Variants in COL20A1 observed in about 807,000 individuals in gnomAD.
COL20A1 encodes the protein collagen alpha-1(XX) chain.
A neutral mutation model predicts 152.9 loss-of-function variants in COL20A1; 164 were observed. The ratio of observed to expected loss-of-function variants is 1.07; its 90% CI spans 0.94 to 1.22. The LOEUF is 1.22. Among genes scored for constraint, COL20A1 ranks in the 50% most tolerant of loss-of-function variants. The pLI is 0.00. For missense variants in COL20A1, 1,873 were observed against 1,744.8 expected (o/e 1.07, Z -1.31); for synonymous variants, 864 against 756.0 (o/e 1.14, Z -2.34).
rs371146289 is a variant in COL20A1 at position 63,308,699 on chromosome 20, C to A, written c.933C>A (p.Phe311Leu). 5.6e-5 allele frequency: 89 copies of A among 1,601,714 alleles called. No homozygotes were observed. Among genetic ancestry groups the A allele is most frequent in the Non-Finnish European group, 6.7e-5 (79 of 1,174,360 alleles). Residue 311 changes from phenylalanine (F) to leucine (L), a missense_variant, in exon 8 of 36, where the codon TTC (phenylalanine) becomes TTA (leucine). Transcript: ENST00000358894. ...RVLKDLGVNV[F>L]AVGVKNADEA... ...TCAAGGACCTGGGCGTGAACGTCTT[C>A]GCTGTGGGTGAGCACCATGCGGCTC...
chr20:63,312,270 G>A lies in COL20A1; in HGVS notation c.1804-150G>A, dbSNP rs571220420. 9.2e-5 allele frequency: 103 copies of A among 1,114,014 alleles called. No homozygotes were observed. The Middle Eastern group carries it at 1.2e-3, about 13-fold the overall frequency. 69.0% of individuals were successfully genotyped at this position (1,114,014 alleles called of 1,614,324 possible). A position where few individuals can be genotyped will look rare whatever the true frequency, so the allele number is the denominator to read the frequency against. On this transcript the variant is annotated intron_variant, in intron 14 of 35. Coordinates refer to ENST00000358894, the MANE Select transcript of COL20A1 (RefSeq NM_020882.4). ...ACCCCAGCCGTCCTGCAGTTCTGTTGCCCTCCCATCCCTCAGGACAAGCCC... is the reference window on the plus strand; with the variant it reads ...ACCCCAGCCGTCCTGCAGTTCTGTTACCCTCCCATCCCTCAGGACAAGCCC...
In COL20A1 at chr20:63,322,938, G is replaced by A. The variant is rs530955043; in HGVS notation, c.3294+827G>A. On this transcript the variant is annotated intron_variant, in intron 27 of 35. Coordinates refer to ENST00000358894, the MANE Select transcript of COL20A1 (RefSeq NM_020882.4). The stretch of plus-strand genomic sequence containing the variant: ...GCTGGAGCCTCAGAGCACATCTCAG[G>A]CACAGAGTCCCTAGGACAGTCGCTG... 8.5e-5 allele frequency among the ~76,000 whole-genome samples: 13 copies of A among 152,334 alleles called. No individual in the cohort carries two copies. In the East Asian group the frequency reaches 2.5e-3, roughly 29 times the overall value.
intron 3 of COL20A1, among the ~76,000 whole-genome samples, chr20:63,303,819 CCAGGTGTGCAGGTGCTGGCT>C (rs2067887056): frequency 7.5e-6 from 1 of 132,488 alleles, no homozygotes; most frequent in African/African-American, 2.9e-5. Context: ...CTCCCTCCCT[CCAGGTGTGCAGGTGCTGGCT>C]CCTCCCTCCC....
chr20:63,301,345 C>T (rs1028141829), intron 3 of COL20A1, among the ~76,000 whole-genome samples: 1 of 152,142 alleles, frequency 6.6e-6, no homozygotes, highest in African/African-American at 2.4e-5. Context: ...TATGGTCCAG[C>T]ATATGATCAA....
In COL20A1 at chr20:63,313,857, A is replaced by G. The variant is rs1208539996; in HGVS notation, c.2324A>G (p.Tyr775Cys). ...CGCGTGCTCCATTACTGGCTCACCT[A>G]CGCCCCCGCCTCTGGCTTGGGACCC... Reference protein sequence around the residue: ...LGRVLHYWLTYAPASGLGPEK... With the variant: ...LGRVLHYWLTCAPASGLGPEK... The change falls in exon 18 of 36, where the codon TAC becomes TGC. Residue 775 changes from tyrosine (Y) to cysteine (C), a missense_variant. Transcript: ENST00000358894. The surrounding 1 kb of genome is among the most constrained non-coding windows in gnomAD (Gnocchi z 5.9). 1 of 1,607,872 alleles carries G rather than the reference A, an allele frequency of 6.2e-7. No individual in the cohort carries two copies. The highest frequency in any genetic ancestry group is 8.5e-7 in the Non-Finnish European group (1 of 1,177,220).
intron 35 of COL20A1, among the ~76,000 whole-genome samples, chr20:63,329,983 C>T (rs925324291): frequency 2.6e-5 from 4 of 152,128 alleles, no homozygotes; most frequent in African/African-American, 9.7e-5. Context: ...GGAGGAGGCC[C>T]TGACCAGGGT....
intron 28 of COL20A1, 29 bp from the exon 29 acceptor site, chr20:63,325,639 G>C: frequency 6.3e-7 from 1 of 1,596,760 alleles, no homozygotes; most frequent in Non-Finnish European, 8.5e-7. Context: ...CCTGGCCCCT[G>C]CCTGGCCGGC....
chr20:63,330,028 C>G (rs996997801), intron 35 of COL20A1, among the ~76,000 whole-genome samples: 3 of 152,070 alleles, frequency 2.0e-5, no homozygotes, highest in Non-Finnish European at 4.4e-5. Flanking sequence ...CAGGTGTTTG[C>G]TCAGTGGGCA....
chr20:63,304,487 C>T (rs1217519727), intron 3 of COL20A1, among the ~76,000 whole-genome samples: 5 of 131,610 alleles, frequency 3.8e-5, no homozygotes, highest in Non-Finnish European at 6.6e-5. Flanking sequence ...GTTCCTCCCT[C>T]CTCTTCTCCC....
chr20:63,324,045 G>A (rs1283028651), intron 27 of COL20A1, among the ~76,000 whole-genome samples: 2 of 152,200 alleles, frequency 1.3e-5, no homozygotes, highest in East Asian at 3.8e-4. Flanking sequence ...TGTGGGGATG[G>A]TCTCTTCCTA....
At chr20:63,320,419 C>T (rs2068146785) in intron 25 of COL20A1, 51 bp downstream of exon 25, 18 of 1,555,068 alleles carry the variant, frequency 1.2e-5, no homozygotes, top group Non-Finnish European at 1.5e-5. Flanking sequence ...GGGCAAGTGC[C>T]CACTGAGGGT....
chr20:63,319,033 C>T lies in COL20A1; in HGVS notation c.2664-25C>T. 3 of 1,580,878 alleles carry T rather than the reference C, an allele frequency of 1.9e-6. No individual in the cohort carries two copies. Among genetic ancestry groups the T allele is most frequent in the South Asian group, 2.2e-5 (2 of 89,860 alleles). On this transcript the variant is annotated intron_variant, in intron 21 of 35. Transcript: ENST00000358894. The surrounding 1 kb of genome is among the most constrained non-coding windows in gnomAD (Gnocchi z 4.4). ...GGCTGCCCTTGGGTCTGCTCATGTG[C>T]CTCTCCCTCCCCCAACCCCCACAGT...
At chr20:63,300,365 A>G (rs1303898106) in intron 3 of COL20A1, among the ~76,000 whole-genome samples, 2 of 152,108 alleles carry the variant, frequency 1.3e-5, no homozygotes, top group African/African-American at 4.8e-5. Context: ...GTGTGTAAAT[A>G]CTTCACATAA....
In COL20A1 at chr20:63,316,546, T is replaced by C; in HGVS notation, c.2525-7T>C. The C allele has an allele frequency of 6.3e-7, 1 of 1,586,446 alleles. No individual in the cohort carries two copies. The highest frequency in any genetic ancestry group is 8.6e-7 in the Non-Finnish European group (1 of 1,167,300). On this transcript the variant is annotated splice_region_variant and splice_polypyrimidine_tract_variant and intron_variant, in intron 20 of 35. Transcript: ENST00000358894. ...CTCGGTGCCCCTTCCCCCACCATCTTCCCCAGGGTTTGACCTGATGGTGGC... is the reference window on the plus strand; with the variant it reads ...CTCGGTGCCCCTTCCCCCACCATCTCCCCCAGGGTTTGACCTGATGGTGGC...
At chr20:63,328,792 G>A (rs1286013395) in intron 34 of COL20A1, among the ~76,000 whole-genome samples, 1 of 152,094 alleles carries the variant, frequency 6.6e-6, no homozygotes, top group African/African-American at 2.4e-5. Context: ...GGAGAGCCCA[G>A]CCTACCTCCC....
Position 63,295,090 on chromosome 20 carries a change from T to C in COL20A1, c.-10-8T>C, listed in dbSNP as rs2123365504. ...CGGCTGAAGGGCATGGCCTCTTCCC[T>C]GCCACAGCCCGAGCACCATGAGCTC... On this transcript the variant is annotated splice_region_variant and splice_polypyrimidine_tract_variant and intron_variant, in intron 1 of 35. Coordinates refer to ENST00000358894, the MANE Select transcript of COL20A1 (RefSeq NM_020882.4). 6.5e-7 allele frequency: 1 copy of C among 1,539,670 alleles called. No homozygotes were observed. Among genetic ancestry groups the C allele is most frequent in the East Asian group, 2.5e-5 (1 of 40,816 alleles).
intron 27 of COL20A1, among the ~76,000 whole-genome samples, chr20:63,323,359 G>A (rs1259950583): frequency 2.0e-5 from 3 of 152,186 alleles, no homozygotes; most frequent in Admixed American, 2.0e-4. Flanking sequence ...TAACTTTTAC[G>A]TAGTCCATGT....
In COL20A1 at chr20:63,327,988, G is replaced by A. The variant is rs1568790739; in HGVS notation, c.3564+1G>A. 1.2e-6 allele frequency: 2 copies of A among 1,609,140 alleles called. No homozygotes were observed. Among genetic ancestry groups the A allele is most frequent in the Non-Finnish European group, 8.5e-7 (1 of 1,177,868 alleles). Reference sequence around the variant, plus strand: ...GCCCAAAGGGGAACGAGGAGAGAAGGTAAGTGAGGCTGAGATCTTTGGCTC... The same window carrying A: ...GCCCAAAGGGGAACGAGGAGAGAAGATAAGTGAGGCTGAGATCTTTGGCTC... On this transcript the variant is annotated splice_donor_variant, in intron 32 of 35. Transcript: ENST00000358894. LOFTEE classifies it high-confidence loss of function.
Position 63,309,453 on chromosome 20 carries a change from T to C in COL20A1, c.1061T>C (p.Leu354Pro). The C allele has an allele frequency of 1.3e-6, 2 of 1,539,114 alleles. No homozygotes were observed. The highest frequency in any genetic ancestry group is 1.8e-6 in the Non-Finnish European group (2 of 1,139,482). Residue 354 changes from leucine to proline, a missense_variant, in exon 9 of 36, where the codon CTC (leucine) becomes CCC (proline). Leu to Pro is a moderately conservative substitution (Grantham distance 98, BLOSUM62 -3). Transcript: ENST00000358894. ...LGALAGLLSRLICQRLQGGSP... is the reference protein window; with the variant it reads ...LGALAGLLSRPICQRLQGGSP... ...GCGCTGGCTGGCCTGCTCAGCCGTC[T>C]CATCTGCCAGAGGCTCCAGGGTGGG...
Sources: allele counts gnomAD v4.1 joint callset (sites outside exome capture counted in the v4.1 genomes callset), GRCh38; gene constraint gnomAD v4.1.1; non-coding constraint Gnocchi (gnomAD v3.1); transcripts MANE v1.5; gene names NCBI Gene and HGNC (gene_info 2026-07-23, HGNC 2026-07-21).